The following IL1RAPL2 variants were observed in gnomAD, a reference collection of about 807,000 sequenced individuals.
IL1RAPL2 encodes interleukin 1 receptor accessory protein like 2.
A neutral mutation model predicts 44.1 loss-of-function variants in IL1RAPL2; 3 were observed. That is an observed-to-expected ratio of 0.07 (90% CI 0.03 to 0.18). The LOEUF is 0.18. Ranked by LOEUF, IL1RAPL2 falls within the 10% of genes least tolerant of loss-of-function variation. The pLI is 1.00. For missense variants in IL1RAPL2, 391 were observed against 496.4 expected, an observed-to-expected ratio of 0.79 and a Z score of 2.02; for synonymous variants, 181 against 178.8, an observed-to-expected ratio of 1.01 and a Z score of -0.10.
intron 5 of IL1RAPL2, among the ~76,000 whole-genome samples, chrX:105,371,370 T>C (rs1253759038): frequency 8.9e-6 from 1 of 111,775 alleles, no homozygotes; most frequent in Non-Finnish European, 1.9e-5. Flanking sequence ...TTTATGATGT[T>C]ACATTTAAAT....
At chrX:104,786,964 TCTCTCTCTCTCTCTCTCTCG>T (rs1932802312) in intron 2 of IL1RAPL2, among the ~76,000 whole-genome samples, 1 of 88,391 alleles carries the variant, frequency 1.1e-5, no homozygotes, top group Non-Finnish European at 2.2e-5. Context: ...TCTCTCTCTC[TCTCTCTCTCTCTCTCTCTCG>T]TATCCCTATG....
At chrX:105,112,089 C>T (rs956605024) in intron 2 of IL1RAPL2, among the ~76,000 whole-genome samples, 22 of 111,696 alleles carry the variant, frequency 2.0e-4, no homozygotes, top group African/African-American at 7.1e-4. Flanking sequence ...TTAGTGATTC[C>T]GGCCCCAAAT....
intron 2 of IL1RAPL2, among the ~76,000 whole-genome samples, chrX:105,073,370 G>A (rs1405261160): frequency 9.3e-6 from 1 of 107,479 alleles, no homozygotes; most frequent in Non-Finnish European, 1.9e-5. Flanking sequence ...CAAAGGACAT[G>A]AACTCATCAT....
intron 2 of IL1RAPL2, among the ~76,000 whole-genome samples, chrX:105,090,039 A>C (rs766067282): frequency 3.6e-5 from 4 of 111,633 alleles, no homozygotes; most frequent in African/African-American, 1.3e-4. Flanking sequence ...AGGAAGAGGG[A>C]GGAAAAGAAA....
intron 2 of IL1RAPL2, among the ~76,000 whole-genome samples, chrX:104,908,065 C>G (rs1270602110): frequency 9.0e-6 from 1 of 110,692 alleles, no homozygotes; most frequent in East Asian, 2.8e-4. Context: ...TAATGGCCTT[C>G]TTTGTCTCTT....
intron 2 of IL1RAPL2, among the ~76,000 whole-genome samples, chrX:105,075,957 C>T (rs12011211): frequency 1.1e-4 from 12 of 111,420 alleles, no homozygotes; most frequent in Non-Finnish European, 1.9e-4. Flanking sequence ...GTCTTGCTAG[C>T]GGTCAATCAA....
At chrX:105,041,617 G>C (rs1194623921) in intron 2 of IL1RAPL2, among the ~76,000 whole-genome samples, 1 of 109,909 alleles carries the variant, frequency 9.1e-6, no homozygotes, top group East Asian at 2.8e-4. Flanking sequence ...CTCATGGCTA[G>C]GAAGAATCAA....
At chrX:105,535,085 T>C (rs2036668083) in intron 6 of IL1RAPL2, among the ~76,000 whole-genome samples, 1 of 111,855 alleles carries the variant, frequency 8.9e-6, no homozygotes, top group South Asian at 3.7e-4. Context: ...AAGGACAGGC[T>C]ATAAACTGTA....
At chrX:104,600,642 C>T (rs948701433) in intron 1 of IL1RAPL2, among the ~76,000 whole-genome samples, 14 of 109,863 alleles carry the variant, frequency 1.3e-4, no homozygotes, top group African/African-American at 4.6e-4. Context: ...AGCATAGTAC[C>T]CAATAGTTTT....
At chrX:105,173,881 C>T (rs760209672) in intron 2 of IL1RAPL2, among the ~76,000 whole-genome samples, 3 of 110,149 alleles carry the variant, frequency 2.7e-5, no homozygotes, top group East Asian at 2.9e-4. Flanking sequence ...TACAGGCACC[C>T]GCCACCATGC....
rs983101226 is a variant in IL1RAPL2, at chrX:105,160,443, G to A, written c.83-35032G>A. 2.7e-5 allele frequency among the ~76,000 whole-genome samples: 3 copies of A among 111,045 alleles called. No homozygotes were observed. In the East Asian group the frequency reaches 8.4e-4, roughly 31 times the overall value. ...CCAGGGATGCCTGCACAATTTAGGG[G>A]CACTCAAAAGAAGAATGAGAGAATG... On this transcript the variant is annotated intron_variant, in intron 2 of 10. Coordinates refer to ENST00000372582, the MANE Select transcript of IL1RAPL2 (RefSeq NM_017416.2).
chrX:105,557,377 C>T (rs1011309681), intron 6 of IL1RAPL2, among the ~76,000 whole-genome samples: 5 of 111,544 alleles, frequency 4.5e-5, no homozygotes, highest in African/African-American at 1.6e-4. Flanking sequence ...AAGTAATGGT[C>T]TTTGACACAA....
chrX:105,415,134 C>T (rs1234795003), intron 5 of IL1RAPL2, among the ~76,000 whole-genome samples: 2 of 111,745 alleles, frequency 1.8e-5, no homozygotes, highest in Non-Finnish European at 3.8e-5. Flanking sequence ...TAGCTATATT[C>T]CATTGCTTTA....
At chrX:104,609,284 A>AT (rs1187859450) in intron 1 of IL1RAPL2, among the ~76,000 whole-genome samples, 1 of 110,754 alleles carries the variant, frequency 9.0e-6, no homozygotes, top group Non-Finnish European at 1.9e-5. Context: ...TGCCCTTAAC[A>AT]TTTTTTTCCT....
intron 6 of IL1RAPL2, among the ~76,000 whole-genome samples, chrX:105,525,212 CA>C (rs2036587609): frequency 9.0e-6 from 1 of 110,850 alleles, no homozygotes; most frequent in South Asian, 3.8e-4. Context: ...ATTAGTCAAC[CA>C]AACAAATGAT....
intron 5 of IL1RAPL2, among the ~76,000 whole-genome samples, chrX:105,342,428 T>C (rs1207020644): frequency 8.9e-6 from 1 of 112,293 alleles, no homozygotes; most frequent in East Asian, 2.8e-4. Flanking sequence ...ACCTGATTTT[T>C]CCCCATCATT....
chrX:105,431,548 C>T (rs1312471390), intron 5 of IL1RAPL2, among the ~76,000 whole-genome samples: 2 of 111,350 alleles, frequency 1.8e-5, no homozygotes, highest in African/African-American at 6.5e-5. Flanking sequence ...ATAACAGGAT[C>T]TGAGTTTGTT....
At chrX:105,534,183 T>C (rs1251156522) in intron 6 of IL1RAPL2, among the ~76,000 whole-genome samples, 2 of 111,979 alleles carry the variant, frequency 1.8e-5, no homozygotes, top group African/African-American at 6.5e-5. Flanking sequence ...AATTCAATTG[T>C]TACACTCTTA....
chrX:105,236,928 G>A (rs2034124969), intron 4 of IL1RAPL2, among the ~76,000 whole-genome samples: 1 of 110,740 alleles, frequency 9.0e-6, no homozygotes, highest in African/African-American at 3.3e-5. Context: ...CATGTGCCAT[G>A]TTGGTGTGCT....
Sources: gnomAD v4.1 joint callset for allele counts (sites outside exome capture counted in the v4.1 genomes callset) on GRCh38, gnomAD v4.1.1 for gene constraint, MANE v1.5 for transcripts, NCBI Gene and HGNC (gene_info 2026-07-23, HGNC 2026-07-21) for gene names.